Variants in RBFOX1 observed in about 807,000 individuals in gnomAD.
The protein encoded by RBFOX1 is RNA binding fox-1 homolog 1, also known as RNA binding protein fox-1 homolog 1.
A neutral mutation model predicts 57.7 loss-of-function variants in RBFOX1; 8 were observed. The observed-to-expected ratio is 0.14, with a 90% CI of 0.08 to 0.25. The LOEUF (loss-of-function observed/expected upper bound fraction) is 0.25, where lower values mean the gene tolerates loss of function less well. Ranked by LOEUF, RBFOX1 falls within the 10% of genes least tolerant of loss-of-function variation. The probability of loss-of-function intolerance (pLI) is 1.00; values close to 1 mark genes in which losing one functional copy is unlikely to be tolerated. For synonymous variants in RBFOX1, 326 were observed against 222.4 expected, an observed-to-expected ratio of 1.47 and a Z score of -4.15; for missense variants, 611 against 548.5, an observed-to-expected ratio of 1.11 and a Z score of -1.14.
chr16:5,580,572 T>C (rs1039178249), intron 2 of RBFOX1, among the ~76,000 whole-genome samples: 50 of 152,200 alleles, frequency 3.3e-4, no homozygotes, highest in African/African-American at 1.2e-3. Flanking sequence ...CTGGTCCTGC[T>C]TCAACGCTGG....
chr16:7,690,930 C>A (rs1186095808), intron 14 of RBFOX1, among the ~76,000 whole-genome samples: 3 of 152,076 alleles, frequency 2.0e-5, no homozygotes, highest in Non-Finnish European at 4.4e-5. Context: ...TGCAGGCCAC[C>A]AAAGCCAATC....
At chr16:6,101,811 C>T (rs2096312624) in intron 1 of RBFOX1, among the ~76,000 whole-genome samples, 1 of 152,164 alleles carries the variant, frequency 6.6e-6, no homozygotes, top group Non-Finnish European at 1.5e-5. Flanking sequence ...CTGCCCAAAT[C>T]CTGCACATAT....
intron 2 of RBFOX1, among the ~76,000 whole-genome samples, chr16:6,410,533 G>A (rs1401241515): frequency 1.3e-5 from 2 of 151,814 alleles, no homozygotes; most frequent in African/African-American, 2.4e-5. Flanking sequence ...GGATGGTCTG[G>A]ATCTCCTGAC....
intron 4 of RBFOX1, among the ~76,000 whole-genome samples, chr16:7,182,399 G>A (rs1213304120): frequency 2.6e-5 from 4 of 152,150 alleles, no homozygotes; most frequent in Non-Finnish European, 5.9e-5. Flanking sequence ...TCACATTGAA[G>A]CCTGATGAAT....
At chr16:7,055,940 G>T (rs536606142) in intron 4 of RBFOX1, among the ~76,000 whole-genome samples, 1 of 152,168 alleles carries the variant, frequency 6.6e-6, no homozygotes, top group East Asian at 1.9e-4. Flanking sequence ...ATTTGACACA[G>T]ATGATTTCTC....
chr16:6,028,260 G>A (rs2095234299), intron 1 of RBFOX1, among the ~76,000 whole-genome samples: 1 of 152,166 alleles, frequency 6.6e-6, no homozygotes, highest in Admixed American at 6.5e-5. Flanking sequence ...ATAAGAGGAG[G>A]GAGGGAGTGT....
At chr16:7,474,752 G>C (rs1481483348) in intron 4 of RBFOX1, among the ~76,000 whole-genome samples, 1 of 152,110 alleles carries the variant, frequency 6.6e-6, no homozygotes, top group East Asian at 1.9e-4. Flanking sequence ...TCGTAGAACT[G>C]GACTTCTAGA....
At chr16:7,402,335 G>T (rs948149439) in intron 4 of RBFOX1, among the ~76,000 whole-genome samples, 38 of 152,188 alleles carry the variant, frequency 2.5e-4, no homozygotes, top group African/African-American at 8.7e-4. Context: ...TAGTAAGTAT[G>T]TTCCTGAACT....
chr16:5,819,583 C>T (rs530198618), intron 3 of RBFOX1, among the ~76,000 whole-genome samples: 1 of 152,326 alleles, frequency 6.6e-6, no homozygotes, highest in African/African-American at 2.4e-5. Flanking sequence ...GGGTCCTTAT[C>T]TTCTGCCATT....
At chr16:5,510,610 A>G (rs2043550204) in intron 2 of RBFOX1, among the ~76,000 whole-genome samples, 2 of 151,972 alleles carry the variant, frequency 1.3e-5, no homozygotes, top group South Asian at 4.2e-4. Context: ...GGAGATGAAA[A>G]ATGGGGGCTA....
intron 4 of RBFOX1, among the ~76,000 whole-genome samples, chr16:5,969,809 T>C (rs546179465): frequency 6.6e-6 from 1 of 152,232 alleles, no homozygotes; most frequent in South Asian, 2.1e-4. Flanking sequence ...TTGTTTCATT[T>C]TTTTTTCTTT....
intron 2 of RBFOX1, among the ~76,000 whole-genome samples, chr16:6,589,913 T>G (rs572928567): frequency 6.6e-6 from 1 of 152,278 alleles, no homozygotes; most frequent in South Asian, 2.1e-4. Flanking sequence ...ACAGGCAGTT[T>G]CAACTCCACC....
At chr16:6,095,924 C>T (rs769974561) in intron 1 of RBFOX1, among the ~76,000 whole-genome samples, 1 of 152,150 alleles carries the variant, frequency 6.6e-6, no homozygotes, top group East Asian at 1.9e-4. Flanking sequence ...GGAGTCTGGT[C>T]ATCAGTCTTC....
At chr16:5,850,938 A>T (rs188162317) in intron 3 of RBFOX1, among the ~76,000 whole-genome samples, 18 of 152,342 alleles carry the variant, frequency 1.2e-4, no homozygotes, top group Admixed American at 1.1e-3. Context: ...TGGAGATGGC[A>T]TCGGGCATAT....
At chr16:6,145,527 T>C (rs958626651) in intron 1 of RBFOX1, among the ~76,000 whole-genome samples, 2 of 152,232 alleles carry the variant, frequency 1.3e-5, no homozygotes, top group African/African-American at 4.8e-5. Flanking sequence ...ATTATAATGA[T>C]TTCTTTTTTG....
chr16:6,713,278 G>C lies in RBFOX1; in HGVS notation c.-16+58628G>C, dbSNP rs566522849. ...ATCATACCTGGGTTTTTGTTTGTTT[G>C]TGTAATAATAACAGTCCCCCATTGC... On this transcript the variant is annotated intron_variant, in intron 3 of 15. Coordinates refer to ENST00000550418, the MANE Select transcript of RBFOX1 (RefSeq NM_018723.4). Among the ~76,000 whole-genome samples the C allele has an allele frequency of 4.6e-5, 7 of 151,782 alleles. No individual in the cohort carries two copies. The East Asian group carries it at 1.4e-3, about 29-fold the overall frequency.
At chr16:5,636,491 G>T (rs4467078) in intron 3 of RBFOX1, among the ~76,000 whole-genome samples, 3 of 152,284 alleles carry the variant, frequency 2.0e-5, no homozygotes, top group Middle Eastern at 3.4e-3. Flanking sequence ...CGCTCATGGG[G>T]CCAGGCATTA....
At chr16:6,554,625 G>T (rs762973604) in intron 2 of RBFOX1, among the ~76,000 whole-genome samples, 4 of 152,082 alleles carry the variant, frequency 2.6e-5, no homozygotes, top group African/African-American at 9.7e-5. Flanking sequence ...AGGTATGGCC[G>T]AATGGGCTTG....
intron 3 of RBFOX1, among the ~76,000 whole-genome samples, chr16:6,746,828 T>C (rs752725045): frequency 2.0e-5 from 3 of 152,212 alleles, no homozygotes; most frequent in African/African-American, 4.8e-5. Flanking sequence ...AAGTCTGTTA[T>C]AGGAATGTGA....
Sources: gnomAD v4.1 joint callset for allele counts (sites outside exome capture counted in the v4.1 genomes callset) on GRCh38, gnomAD v4.1.1 for gene constraint, MANE v1.5 for transcripts, NCBI Gene and HGNC (gene_info 2026-07-23, HGNC 2026-07-21) for gene names.